Variants in STAT6 observed in about 807,000 individuals in gnomAD.
STAT6 encodes STAT, interleukin4-induced.
Under a neutral mutation model 106.3 loss-of-function variants are expected in STAT6, and 45 were observed. That is an observed-to-expected ratio of 0.42 (90% CI 0.33 to 0.54). The LOEUF (loss-of-function observed/expected upper bound fraction) is 0.54, where lower values mean the gene tolerates loss of function less well. Among genes scored for constraint, STAT6 ranks in the 20% least tolerant of loss-of-function variants. STAT6 has a pLI of 0.06. For missense variants in STAT6, 797 were observed against 1,062.2 expected (o/e 0.75, Z 3.47); for synonymous variants, 413 against 413.6 (o/e 1.00, Z 0.02).
At chr12:57,104,276 A>G (rs899494680) in intron 11 of STAT6, 188 bp downstream of exon 11, 1 of 772,268 alleles carries the variant, frequency 1.3e-6, no homozygotes, top group African/African-American at 1.8e-5. Flanking sequence ...GCTGCTATCC[A>G]CTACCATTCC....
At chr12:57,109,004 C>G (rs2136621161) in intron 1 of STAT6, among the ~76,000 whole-genome samples, 1 of 152,270 alleles carries the variant, frequency 6.6e-6, no homozygotes, top group East Asian at 1.9e-4. Flanking sequence ...CAAGACCATC[C>G]TGGCTAACAC....
chr12:57,104,856 C>A, intron 9 of STAT6, 43 bp from the exon 10 acceptor site: 1 of 1,608,406 alleles, frequency 6.2e-7, no homozygotes, highest in South Asian at 1.1e-5. Flanking sequence ...ATCTCACTGT[C>A]GTCAGGTGTG....
At chr12:57,100,994 C>A in intron 13 of STAT6, 1 of 320,512 alleles carries the variant, frequency 3.1e-6, no homozygotes, top group Admixed American at 3.4e-5. Flanking sequence ...CAGCGCCTGG[C>A]ATATAAGCTG....
intron 1 of STAT6, 152 bp downstream of exon 1, chr12:57,110,977 A>G (rs1461786945): frequency 3.9e-5 from 6 of 152,546 alleles, no homozygotes; most frequent in Non-Finnish European, 8.8e-5. Context: ...CGAAACTGCT[A>G]AAACCCAGTG....
rs542300065 is a variant in STAT6 at position 57,100,028 on chromosome 12, G to A, written c.1575C>T (p.Thr525=). The change falls in exon 14 of 22, where the codon ACC becomes ACT. Residue 525 remains threonine (T), a synonymous_variant. Transcript: ENST00000300134. ...ACCAGTAGCTCCGGAGACAGCGTTTGGTGAGGTCCAGGACACCATCAAACC... is the reference window on the plus strand; with the variant it reads ...ACCAGTAGCTCCGGAGACAGCGTTTAGTGAGGTCCAGGACACCATCAAACC... ...WQWFDGVLDL[T]KRCLRSYWSD... 6.2e-7 allele frequency: 1 copy of A among 1,612,818 alleles called. No homozygotes were observed. The highest frequency in any genetic ancestry group is 8.5e-7 in the Non-Finnish European group (1 of 1,179,446).
chr12:57,098,894 G>A lies in STAT6; in HGVS notation c.1964C>T (p.Pro655Leu), dbSNP rs2033635294. The change falls in exon 18 of 22, where the codon CCA (proline) becomes CTA (leucine). Residue 655 changes from proline to leucine, a missense_variant. Coordinates refer to ENST00000300134, the MANE Select transcript of STAT6 (RefSeq NM_003153.5). ...TIKMTVERDQ[P>L]LPTPELQMPT... The stretch of plus-strand genomic sequence containing the variant: ...CATCTGGAGCTCTGGGGTAGGAAGT[G>A]GTTGGTCCCTGGAGGAGGGAAGGAG... 2 of 1,613,812 alleles carry A rather than the reference G, an allele frequency of 1.2e-6. No homozygotes were observed. Among genetic ancestry groups the A allele is most frequent in the Non-Finnish European group, 1.7e-6 (2 of 1,179,828 alleles).
In STAT6 at chr12:57,105,962, G is replaced by A. The variant is rs80163828; in HGVS notation, c.680+229C>T. On this transcript the variant is annotated intron_variant, in intron 7 of 21. Transcript: ENST00000300134. ...TTCCTCTAGGCATGGGGCTTGAGGAGAGAAGCCTGGGTTGGATGAGTCCCC... is the reference window on the plus strand; with the variant it reads ...TTCCTCTAGGCATGGGGCTTGAGGAAAGAAGCCTGGGTTGGATGAGTCCCC... The A allele has an allele frequency of 2.7e-4, 188 of 704,560 alleles. 2 individuals are homozygous for A. Among genetic ancestry groups the A allele is most frequent in the African/African-American group, 2.6e-3 (146 of 56,048 alleles). The allele number at this position is 704,560 out of a possible 1,614,324, so 43.6% of individuals were successfully genotyped here. A position where few individuals can be genotyped will look rare whatever the true frequency, so the allele number is the denominator to read the frequency against.
In STAT6 at chr12:57,105,612, C is replaced by T. The variant is rs773731315; in HGVS notation, c.681-13G>A. On this transcript the variant is annotated splice_polypyrimidine_tract_variant and intron_variant, in intron 7 of 21. Coordinates refer to ENST00000300134, the MANE Select transcript of STAT6 (RefSeq NM_003153.5). ...CAGGCTTTCACACCTGGGGCCAGGA[C>T]AGTGGTCAGGGGGCACAGGATTAAG... is the stretch of plus-strand genomic sequence containing the variant. The T allele has an allele frequency of 9.3e-6, 15 of 1,613,134 alleles. No homozygotes were observed. The African/African-American group carries it at 2.0e-4, about 22-fold the overall frequency.
At chr12:57,104,991 C>G (rs1470526961) in intron 9 of STAT6, among the ~76,000 whole-genome samples, 160 bp downstream of exon 9, 1 of 152,058 alleles carries the variant, frequency 6.6e-6, no homozygotes, top group Non-Finnish European at 1.5e-5. Context: ...CCCATTCCAG[C>G]CCTAAATGGG....
Position 57,096,276 on chromosome 12 carries a change from T to TGTGC in STAT6, c.*292_*295dup. 2.6e-6 allele frequency: 1 copy of TGTGC among 378,066 alleles called. No individual in the cohort carries two copies. The allele number at this position is 378,066 out of a possible 1,614,324, so 23.4% of individuals were successfully genotyped here. On this transcript the variant is annotated 3_prime_UTR_variant, in exon 22 of 22. Coordinates refer to ENST00000300134, the MANE Select transcript of STAT6 (RefSeq NM_003153.5). ...ACCCTCAGAGAGCTCTGTATGTGTG[T>TGTGC]GTGCGTGCGTGTGCGCGCTGCAGGT...
Position 57,102,354 on chromosome 12 carries a change from T to C in STAT6, c.1448A>G (p.Asn483Ser), listed in dbSNP as rs778784702. The C allele has an allele frequency of 1.7e-5, 27 of 1,613,988 alleles. No individual in the cohort carries two copies. The highest frequency in any genetic ancestry group is 8.0e-5 in the African/African-American group (6 of 74,890). Residue 483 changes from asparagine to serine, a missense_variant, in exon 13 of 22, where the codon AAT (asparagine) becomes AGT (serine). Transcript: ENST00000300134. ...GGCCTCCATACTGAGGCTGTTGTCA[T>C]TGAAGATCTTCTGGGCCAGGAAGAG... The part of the protein sequence containing the change: ...HFLFLAQKIF[N>S]DNSLSMEAFQ...
At chr12:57,100,720 A>AAAGAAAGAAAG (rs2033856499) in intron 13 of STAT6, 1 of 141,684 alleles carries the variant, frequency 7.1e-6, no homozygotes, top group African/African-American at 3.3e-5. Flanking sequence ...GAAAGAAAGA[A>AAAGAAAGAAAG]AGAAAGAAAG....
At position 57,099,104 on chromosome 12, in the gene STAT6, A is replaced by G. The variant is rs754766955; in HGVS notation, c.1892-26T>C. On this transcript the variant is annotated intron_variant, in intron 16 of 21. Transcript: ENST00000300134. This position sits in a 1 kb window ranked among gnomAD's most constrained non-coding sequence, Gnocchi z 4.7. ...CTGTTGTGAGAAGGAAAAGACAGCC[A>G]TGGAGTGCTCTGGGGTTAGGGAGGA... 7 of 1,613,916 alleles carry G rather than the reference A, an allele frequency of 4.3e-6. No individual in the cohort carries two copies. Among genetic ancestry groups the G allele is most frequent in the South Asian group, 3.3e-5 (3 of 91,080 alleles).
chr12:57,102,798 C>T, intron 12 of STAT6, 31 bp downstream of exon 12: 1 of 1,580,184 alleles, frequency 6.3e-7, no homozygotes, highest in South Asian at 1.1e-5. Flanking sequence ...CACCCTGCCC[C>T]TGTTCCCTCC....
rs869080912 is a variant in STAT6, at chr12:57,099,716, AC to A, written c.1744+50del. 6.2e-7 allele frequency: 1 copy of A among 1,607,300 alleles called. No individual in the cohort carries two copies. The highest frequency in any genetic ancestry group is 2.2e-5 in the East Asian group (1 of 44,756). On this transcript the variant is annotated intron_variant, in intron 15 of 21. Coordinates refer to ENST00000300134, the MANE Select transcript of STAT6 (RefSeq NM_003153.5). This position sits in a 1 kb window ranked among gnomAD's most constrained non-coding sequence, Gnocchi z 4.7. ...TCAGGACATTTCATTCCCAGAAGAA[AC>A]CCCAGAGGGCACAGGCACAGAGACA...
Position 57,095,683 on chromosome 12 carries a change from C to T in STAT6, c.*889G>A, listed in dbSNP as rs1387997003. 1 of 152,206 alleles carries T rather than the reference C, an allele frequency of 6.6e-6. No individual in the cohort carries two copies. Among genetic ancestry groups the T allele is most frequent in the East Asian group, 1.9e-4 (1 of 5,196 alleles). The allele number at this position is 152,206 out of a possible 1,614,324, so 9.4% of individuals were successfully genotyped here. A position where few individuals can be genotyped will look rare whatever the true frequency, so the allele number is the denominator to read the frequency against. The stretch of plus-strand genomic sequence containing the variant: ...ACGTAGATGTCACAGCCACTTGGAC[C>T]CACTTGGGCACAGTCAGACTCCAAA... On this transcript the variant is annotated 3_prime_UTR_variant, in exon 22 of 22. Transcript: ENST00000300134.
rs12721590 is a variant in STAT6, at chr12:57,105,649, C to T, written c.681-50G>A. The T allele has an allele frequency of 1.9e-3, 3,071 of 1,589,570 alleles. 47 individuals carry two copies. In the Admixed American group the frequency reaches 0.03, roughly 15 times the overall value. On this transcript the variant is annotated intron_variant, in intron 7 of 21. Coordinates refer to ENST00000300134, the MANE Select transcript of STAT6 (RefSeq NM_003153.5). ...GGCACAGGATTAAGGCTGCTTGCTC[C>T]GGCCCAGACCCCCTTCCCCTATACC...
At position 57,102,695 on chromosome 12, in the gene STAT6, A is replaced by G. The variant is rs150870076; in HGVS notation, c.1305+134T>C. On this transcript the variant is annotated intron_variant, in intron 12 of 21. Transcript: ENST00000300134. ...GGGGTGAAAAGAGGTCAGAAGCACG[A>G]AAGCAGGCCCATGAGAAAGTGTTAA... 296 of 918,418 alleles carry G rather than the reference A, an allele frequency of 3.2e-4. No individual in the cohort carries two copies. The African/African-American group carries it at 4.1e-3, about 13-fold the overall frequency. 56.9% of individuals were successfully genotyped at this position (918,418 alleles called of 1,614,324 possible).
intron 12 of STAT6, 92 bp from the exon 13 acceptor site, chr12:57,102,588 C>A: frequency 2.3e-6 from 3 of 1,320,918 alleles, no homozygotes; most frequent in Non-Finnish European, 2.1e-6. Context: ...CTGTGGCCTA[C>A]CCCTCCACAG....
Sources: allele counts gnomAD v4.1 joint callset (sites outside exome capture counted in the v4.1 genomes callset), GRCh38; gene constraint gnomAD v4.1.1; non-coding constraint Gnocchi (gnomAD v3.1); transcripts MANE v1.5; gene names NCBI Gene and HGNC (gene_info 2026-07-23, HGNC 2026-07-21).